Variants in RAD21 observed in about 807,000 individuals in gnomAD.
RAD21 encodes RAD21 cohesin complex component, also known as double-strand-break repair protein rad21 homolog.
Under a neutral mutation model 71.5 loss-of-function variants are expected in RAD21, and 18 were observed. The observed-to-expected ratio is 0.25, with a 90% confidence interval of 0.17 to 0.37. The LOEUF is 0.37. RAD21 is among the 10% of genes least tolerant of loss of function. The pLI, the probability that RAD21 is intolerant of heterozygous loss-of-function variation, is 1.00. For synonymous variants in RAD21, 248 were observed against 254.0 expected (o/e 0.98, Z 0.22); for missense variants, 493 against 769.1 (o/e 0.64, Z 4.25).
At chr8:116,863,815 A>G (rs749532213) in intron 2 of RAD21, among the ~76,000 whole-genome samples, 13 of 152,102 alleles carry the variant, frequency 8.5e-5, no homozygotes, top group East Asian at 3.9e-4. Flanking sequence ...CCACAATGCT[A>G]AAGTATGAGG....
Position 116,846,193 on chromosome 8 carries a change from A to C in RAD21, c.*1307T>G. ...TTTTATACAATTACCACTCTGAAGA[A>C]ACTGAATCATTAAAACAGTAATTAC... On this transcript the variant is annotated 3_prime_UTR_variant, in exon 14 of 14. Transcript: ENST00000297338. The C allele has an allele frequency of 4.3e-6, 1 of 231,296 alleles. No homozygotes were observed. Among genetic ancestry groups the C allele is most frequent in the Non-Finnish European group, 8.6e-6 (1 of 116,664 alleles). The allele number at this position is 231,296 out of a possible 1,614,324, so 14.3% of individuals were successfully genotyped here.
chr8:116,857,270 A>G lies in RAD21; in HGVS notation c.685T>C (p.Leu229=). The G allele has an allele frequency of 6.2e-7, 1 of 1,601,604 alleles. No individual in the cohort carries two copies. ...NFGEGNDGGI[L]DDKLISNNDG... ...AATAACCATCATTCCCACATACCTA[A>G]TATTCCACCATCATTTCCTTCTCCA... Residue 229 remains leucine (L), a synonymous_variant, in exon 6 of 14, where the codon TTA becomes CTA. Transcript: ENST00000297338.
intron 11 of RAD21, 43 bp downstream of exon 11, chr8:116,851,905 T>C (rs1812356687): frequency 1.9e-6 from 3 of 1,570,998 alleles, no homozygotes; most frequent in African/African-American, 1.3e-5. Flanking sequence ...ACTGACTGTA[T>C]GAATACCTTC....
rs779624626 is a variant in RAD21, at chr8:116,852,526, GGAACTATTCCAACA to G, written c.1321+9_1321+22del. ...CAAATACTCATGTGAACTTCATCAA[GGAACTATTCCAACA>G]GAACAAACCGATAACATCACGCTGC... On this transcript the variant is annotated intron_variant, in intron 10 of 13. Coordinates refer to ENST00000297338, the MANE Select transcript of RAD21 (RefSeq NM_006265.3). 1.9e-6 allele frequency: 3 copies of G among 1,566,670 alleles called. No individual in the cohort carries two copies. Among genetic ancestry groups the G allele is most frequent in the Non-Finnish European group, 2.6e-6 (3 of 1,156,228 alleles).
chr8:116,852,689 G>A lies in RAD21; in HGVS notation c.1181C>T (p.Thr394Ile), dbSNP rs896031371. 3 of 1,576,208 alleles carry A rather than the reference G, an allele frequency of 1.9e-6. No homozygotes were observed. The highest frequency in any genetic ancestry group is 2.6e-6 in the Non-Finnish European group (3 of 1,163,630). ...RLLKLFTRCL[T>I]PLVPEDLRKR... ...TCTAAGGTCTTCTGGTACAAGCGGTGTAAGACAGCGTGTAAAGAGCTATTA... is the reference window on the plus strand; with the variant it reads ...TCTAAGGTCTTCTGGTACAAGCGGTATAAGACAGCGTGTAAAGAGCTATTA... The change falls in exon 10 of 14, where the codon ACA (threonine) becomes ATA (isoleucine). Residue 394 changes from threonine (T) to isoleucine (I), a missense_variant. By Grantham distance (89) the Thr-to-Ile change is moderately conservative. This residue lies in a region of RAD21 where 42 missense variants were observed against 117.2 expected (regional missense o/e 0.36). Transcript: ENST00000297338.
chr8:116,852,954 T>C (rs1401153408), intron 9 of RAD21, among the ~76,000 whole-genome samples: 1 of 152,234 alleles, frequency 6.6e-6, no homozygotes. Context: ...TAAGGGCTTT[T>C]CTATTTATCT....
intron 13 of RAD21, 112 bp from the exon 14 acceptor site, chr8:116,847,803 A>T: frequency 9.4e-7 from 1 of 1,059,012 alleles, no homozygotes; most frequent in Non-Finnish European, 1.3e-6. Context: ...GCTGAAACGT[A>T]ATTTCCCAGT....
At chr8:116,862,036 C>G (rs996156423) in intron 3 of RAD21, 96 bp from the exon 4 acceptor site, 2 of 926,470 alleles carry the variant, frequency 2.2e-6, no homozygotes, top group Non-Finnish European at 3.4e-6. Context: ...AGTTTATATT[C>G]TCATAGAAAG....
At chr8:116,856,952 T>A (rs1262192393) in intron 6 of RAD21, among the ~76,000 whole-genome samples, 181 bp from the exon 7 acceptor site, 1 of 151,920 alleles carries the variant, frequency 6.6e-6, no homozygotes, top group Non-Finnish European at 1.5e-5. Flanking sequence ...TAAAAAAAAA[T>A]TCTCATTCTT....
chr8:116,856,609 C>T, intron 7 of RAD21, 37 bp downstream of exon 7: 1 of 1,542,146 alleles, frequency 6.5e-7, no homozygotes, highest in Non-Finnish European at 8.7e-7. Context: ...GGATGCCATA[C>T]AATCATCCCC....
chr8:116,866,536 T>G (rs780013351), intron 2 of RAD21, 50 bp downstream of exon 2: 1 of 1,536,670 alleles, frequency 6.5e-7, no homozygotes, highest in South Asian at 1.3e-5. Context: ...CTATTTCACA[T>G]ATCAATAAAC....
rs144367308 is a variant in RAD21, at chr8:116,864,844, T to C, written c.145-1585A>G. ...GTTTTTGAGCTAGTGTGTGTTAAAG[T>C]GTAAACATAAATATAATAAAGATTC... On this transcript the variant is annotated intron_variant, in intron 2 of 13. Coordinates refer to ENST00000297338, the MANE Select transcript of RAD21 (RefSeq NM_006265.3). 8.4e-4 allele frequency among the ~76,000 whole-genome samples: 128 copies of C among 152,196 alleles called. 1 individual carries two copies. Among genetic ancestry groups the C allele is most frequent in the African/African-American group, 2.9e-3 (120 of 41,542 alleles).
In RAD21 at chr8:116,846,757, CACTCT is replaced by C. The variant is rs1812260245; in HGVS notation, c.*738_*742del. ...CTAGAAAGTTATGTTTTTTAATAGT[CACTCT>C]ACTCTAATCAGGCCTAGCTTTGCTC... On this transcript the variant is annotated 3_prime_UTR_variant, in exon 14 of 14. Coordinates refer to ENST00000297338, the MANE Select transcript of RAD21 (RefSeq NM_006265.3). 8 of 219,716 alleles carry C rather than the reference CACTCT, an allele frequency of 3.6e-5. No homozygotes were observed. In the South Asian group the frequency reaches 7.4e-4, roughly 20 times the overall value. The allele number at this position is 219,716 out of a possible 1,614,324, so 13.6% of individuals were successfully genotyped here.
In RAD21 at chr8:116,858,461, T is replaced by G. The variant is rs752121875; in HGVS notation, c.375-3A>C. ...ACTGCTGGGCCACATCGATGTCACT[T>G]TAAAAGAAGGTCAAATACATTTTAG... On this transcript the variant is annotated splice_polypyrimidine_tract_variant and splice_region_variant and intron_variant, in intron 4 of 13. Transcript: ENST00000297338. 2 of 1,607,032 alleles carry G rather than the reference T, an allele frequency of 1.2e-6. No individual in the cohort carries two copies. The highest frequency in any genetic ancestry group is 3.3e-5 in the Admixed American group (2 of 59,758).
Position 116,856,292 on chromosome 8 carries a change from T to TAAAA in RAD21, c.815-8_815-5dup, listed in dbSNP as rs35902828. The stretch of plus-strand genomic sequence containing the variant: ...TCAGGACTATCAGGCCCACCCACTG[T>TAAAA]AAAAAAAAAAAAAAAAAAAAAAAGT... On this transcript the variant is annotated splice_polypyrimidine_tract_variant and splice_region_variant and intron_variant, in intron 7 of 13. Transcript: ENST00000297338. The TAAAA allele has an allele frequency of 1.1e-5, 13 of 1,175,564 alleles. No individual in the cohort carries two copies. The South Asian group carries it at 1.3e-4, about 11-fold the overall frequency. The allele number at this position is 1,175,564 out of a possible 1,614,324, so 72.8% of individuals were successfully genotyped here.
chr8:116,874,712 T>G lies in RAD21; in HGVS notation c.-134A>C. 2.2e-6 allele frequency: 1 copy of G among 445,714 alleles called. No individual in the cohort carries two copies. Among genetic ancestry groups the G allele is most frequent in the South Asian group, 1.6e-5 (1 of 62,874 alleles). The allele number at this position is 445,714 out of a possible 1,614,324, so 27.6% of individuals were successfully genotyped here. A position where few individuals can be genotyped will look rare whatever the true frequency, so the allele number is the denominator to read the frequency against. ...GGGGGAGCCCTTGCGAGGTGTAGCTTCCGAGCAGCTCCCGCCGCCGCCACA... is the reference window on the plus strand; with the variant it reads ...GGGGGAGCCCTTGCGAGGTGTAGCTGCCGAGCAGCTCCCGCCGCCGCCACA... On this transcript the variant is annotated 5_prime_UTR_variant, in exon 1 of 14. Coordinates refer to ENST00000297338, the MANE Select transcript of RAD21 (RefSeq NM_006265.3).
chr8:116,860,199 T>G (rs1285740819), intron 4 of RAD21, among the ~76,000 whole-genome samples: 1 of 152,190 alleles, frequency 6.6e-6, no homozygotes, highest in African/African-American at 2.4e-5. Context: ...TTCTTATGGA[T>G]GAGCAAAGAA....
At position 116,863,361 on chromosome 8, in the gene RAD21, T is replaced by C. The variant is rs2130479713; in HGVS notation, c.145-102A>G. ...TAAAGTTGCCTTATAATCACATACA[T>C]TTCTCTGTCCTTACCTATAAATTCC... On this transcript the variant is annotated intron_variant, in intron 2 of 13. Coordinates refer to ENST00000297338, the MANE Select transcript of RAD21 (RefSeq NM_006265.3). 3.9e-6 allele frequency: 5 copies of C among 1,296,988 alleles called. No individual in the cohort carries two copies. The South Asian group carries it at 7.4e-5, about 19-fold the overall frequency. The allele number at this position is 1,296,988 out of a possible 1,614,324, so 80.3% of individuals were successfully genotyped here. A position where few individuals can be genotyped will look rare whatever the true frequency, so the allele number is the denominator to read the frequency against.
rs2130459588 is a variant in RAD21, at chr8:116,852,549, C to T, written c.1321G>A (p.Asp441Asn). Residue 441 changes from aspartate (D) to asparagine (N), a missense_variant and splice_region_variant, in exon 10 of 14, where the codon GAT (aspartate) becomes AAT (asparagine). This residue lies in a region of RAD21 where 225 missense variants were observed against 218.3 expected (regional missense o/e 1.03). Transcript: ENST00000297338. ...QQQHQQRDVI[D>N]EPIIEEPSRL... ...AAGGAACTATTCCAACAGAACAAAC[C>T]GATAACATCACGCTGCTGATGCTGC... 1 of 1,609,406 alleles carries T rather than the reference C, an allele frequency of 6.2e-7. No homozygotes were observed. The highest frequency in any genetic ancestry group is 8.5e-7 in the Non-Finnish European group (1 of 1,178,014).
Sources: allele counts gnomAD v4.1 joint callset (sites outside exome capture counted in the v4.1 genomes callset), GRCh38; gene constraint gnomAD v4.1.1; regional missense constraint gnomAD v4.1.1; transcripts MANE v1.5; gene names NCBI Gene and HGNC (gene_info 2026-07-23, HGNC 2026-07-21).